ASAP2: variants seen among roughly 807,000 people sequenced by gnomAD.
ASAP2 encodes the protein arf-GAP with SH3 domain, ANK repeat and PH domain-containing protein 2.
ASAP2 carries 45 observed loss-of-function variants against 131.4 expected under a neutral mutation model. That is an observed-to-expected ratio of 0.34 (90% CI 0.27 to 0.44). The LOEUF is 0.44. Among genes scored for constraint, ASAP2 ranks in the 20% least tolerant of loss-of-function variants. The probability of loss-of-function intolerance (pLI) is 1.00; values close to 1 mark genes in which losing one functional copy is unlikely to be tolerated. For missense variants in ASAP2, 1,011 were observed against 1,297.0 expected (o/e 0.78, Z 3.39); for synonymous variants, 510 against 503.0 (o/e 1.01, Z -0.19).
chr2:9,302,087 T>TA (rs572387051), intron 3 of ASAP2, among the ~76,000 whole-genome samples: 2 of 147,430 alleles, frequency 1.4e-5, no homozygotes, highest in East Asian at 2.0e-4. Flanking sequence ...CCTCCCAAAG[T>TA]GCAGGGATTA....
At chr2:9,397,748 ATATTT>A (rs1558403418) in intron 24 of ASAP2, among the ~76,000 whole-genome samples, 1 of 65,750 alleles carries the variant, frequency 1.5e-5, no homozygotes, top group African/African-American at 1.2e-4. Context: ...ATATATATAT[ATATTT>A]TTTTTTTTTT....
intron 1 of ASAP2, among the ~76,000 whole-genome samples, chr2:9,213,774 G>A (rs1661779680): frequency 1.3e-5 from 2 of 152,182 alleles, no homozygotes; most frequent in East Asian, 3.9e-4. Flanking sequence ...GTTCATCCAA[G>A]CCCCCTGAAC....
At chr2:9,360,225 G>A (rs997949534) in intron 15 of ASAP2, among the ~76,000 whole-genome samples, 3 of 152,156 alleles carry the variant, frequency 2.0e-5, no homozygotes, top group Admixed American at 2.0e-4. Context: ...TGTTTATTTT[G>A]TACTATGTAT....
chr2:9,346,970 G>A (rs1472148900), intron 11 of ASAP2, among the ~76,000 whole-genome samples: 1 of 152,214 alleles, frequency 6.6e-6, no homozygotes, highest in Admixed American at 6.5e-5. Flanking sequence ...GGCATTACTG[G>A]GATGCTGAGA....
chr2:9,365,701 T>A (rs1032238823), intron 15 of ASAP2, among the ~76,000 whole-genome samples: 1 of 152,214 alleles, frequency 6.6e-6, no homozygotes, highest in African/African-American at 2.4e-5. Flanking sequence ...AAGGGACTGC[T>A]CTGCTCATCT....
chr2:9,249,358 T>C (rs992249920), intron 1 of ASAP2, among the ~76,000 whole-genome samples: 5 of 152,230 alleles, frequency 3.3e-5, no homozygotes, highest in Non-Finnish European at 7.3e-5. Flanking sequence ...AGGACAGCAA[T>C]GCCTTCCCCA....
chr2:9,252,639 G>A (rs1227681763), intron 1 of ASAP2, among the ~76,000 whole-genome samples: 1 of 149,612 alleles, frequency 6.7e-6, no homozygotes, highest in Non-Finnish European at 1.5e-5. Flanking sequence ...AACACGGCCG[G>A]GTGCAGTGGC....
At position 9,311,670 on chromosome 2, in the gene ASAP2, G is replaced by A. The variant is rs1346817674; in HGVS notation, c.346-6854G>A. On this transcript the variant is annotated intron_variant, in intron 3 of 27. Coordinates refer to ENST00000281419, the MANE Select transcript of ASAP2 (RefSeq NM_003887.3). The surrounding 1 kb of genome is among the most constrained non-coding windows in gnomAD (Gnocchi z 5.2). ...TAATCATCTTCTGGCTGTGGTTTCC[G>A]TCCCTCTCGGCCAGAACTCGAGGAT... Among the ~76,000 whole-genome samples, 3 of 152,284 alleles carry A rather than the reference G, an allele frequency of 2.0e-5. No homozygotes were observed. The highest frequency in any genetic ancestry group is 1.9e-4 in the East Asian group (1 of 5,182).
intron 21 of ASAP2, among the ~76,000 whole-genome samples, chr2:9,386,933 G>T (rs188976831): frequency 2.6e-5 from 4 of 152,166 alleles, no homozygotes; most frequent in African/African-American, 9.7e-5. Context: ...GGCCGAGCGC[G>T]GGGGCTCACG....
At chr2:9,242,739 A>G (rs1664063056) in intron 1 of ASAP2, among the ~76,000 whole-genome samples, 1 of 152,150 alleles carries the variant, frequency 6.6e-6, no homozygotes, top group Non-Finnish European at 1.5e-5. Flanking sequence ...TTACTGTTCC[A>G]ACTTTTCTTT....
At chr2:9,339,133 C>T (rs1289493540) in intron 9 of ASAP2, among the ~76,000 whole-genome samples, 5 of 152,100 alleles carry the variant, frequency 3.3e-5, no homozygotes, top group African/African-American at 9.7e-5. Context: ...GAGCCAAAAT[C>T]GCACTGCTGC....
chr2:9,284,801 A>G (rs1667363802), intron 2 of ASAP2, among the ~76,000 whole-genome samples: 1 of 152,180 alleles, frequency 6.6e-6, no homozygotes, highest in Admixed American at 6.5e-5. Flanking sequence ...TTCTTAGTGT[A>G]GGAGGGGTGA....
chr2:9,244,247 G>A (rs1473022), intron 1 of ASAP2, among the ~76,000 whole-genome samples: 41,954 of 152,058 alleles, frequency 0.28, 6,672 homozygotes, highest in African/African-American at 0.43. Context: ...AGTGAGCCAA[G>A]ATCGCGCCAC....
At chr2:9,365,310 C>A (rs78450765) in intron 15 of ASAP2, among the ~76,000 whole-genome samples, 1 of 152,218 alleles carries the variant, frequency 6.6e-6, no homozygotes, top group East Asian at 1.9e-4. Flanking sequence ...TTCGGGGATC[C>A]AAGGGGCCCA....
chr2:9,349,848 T>A (rs1488321652), intron 11 of ASAP2, among the ~76,000 whole-genome samples: 1 of 152,230 alleles, frequency 6.6e-6, no homozygotes, highest in Non-Finnish European at 1.5e-5. Flanking sequence ...CAGGTGTAGA[T>A]GCATATGTGT....
intron 2 of ASAP2, among the ~76,000 whole-genome samples, chr2:9,294,545 C>G (rs1668036992): frequency 6.6e-6 from 1 of 152,212 alleles, no homozygotes; most frequent in Admixed American, 6.5e-5. Context: ...GGTGACATGA[C>G]TCTCTGAACT....
chr2:9,374,816 C>CACGCGGATA lies in ASAP2; in HGVS notation c.1625_1633dup (p.Asp542_Ala544dup). 6.2e-7 allele frequency: 1 copy of CACGCGGATA among 1,613,470 alleles called. No individual in the cohort carries two copies. ...CGAGAGGAGATACGCAAGGAAGAAG[C>CACGCGGATA]ACGCGGATAACGCGGCGAAGCTTCA... On this transcript the variant is annotated inframe_insertion, in exon 17 of 28. Coordinates refer to ENST00000281419, the MANE Select transcript of ASAP2 (RefSeq NM_003887.3).
chr2:9,288,535 C>T (rs1300166012), intron 2 of ASAP2, among the ~76,000 whole-genome samples: 1 of 151,906 alleles, frequency 6.6e-6, no homozygotes, highest in East Asian at 1.9e-4. Flanking sequence ...TGGGGTATGA[C>T]GTGGCAAAAA....
intron 3 of ASAP2, among the ~76,000 whole-genome samples, chr2:9,300,861 T>C (rs1222752776): frequency 6.6e-6 from 1 of 152,234 alleles, no homozygotes; most frequent in Non-Finnish European, 1.5e-5. Flanking sequence ...ACTTGCACTT[T>C]ATGGAAGTCG....
Sources: allele counts gnomAD v4.1 joint callset (sites outside exome capture counted in the v4.1 genomes callset), GRCh38; gene constraint gnomAD v4.1.1; non-coding constraint Gnocchi (gnomAD v3.1); transcripts MANE v1.5; gene names NCBI Gene and HGNC (gene_info 2026-07-23, HGNC 2026-07-21).